SHANK2: variants seen among roughly 807,000 people sequenced by gnomAD.
SHANK2 encodes SH3 and multiple ankyrin repeat domains protein 2.
Under a neutral mutation model 133.7 loss-of-function variants are expected in SHANK2, and 43 were observed. The ratio of observed to expected loss-of-function variants is 0.32; its 90% CI spans 0.25 to 0.41. The LOEUF is 0.41. SHANK2 is among the 10% of genes least tolerant of loss of function. The probability of loss-of-function intolerance (pLI) is 1.00; values close to 1 mark genes in which losing one functional copy is unlikely to be tolerated. For missense variants in SHANK2, 1,994 were observed against 2,235.8 expected, an observed-to-expected ratio of 0.89 and a Z score of 2.18; for synonymous variants, 1,017 against 952.8, an observed-to-expected ratio of 1.07 and a Z score of -1.24.
chr11:70,664,929 G>C lies in SHANK2; in HGVS notation c.1854-3251C>G, dbSNP rs11828956. 6.9e-3 allele frequency among the ~76,000 whole-genome samples: 1,043 copies of C among 152,238 alleles called. 11 individuals carry two copies. The highest frequency in any genetic ancestry group is 0.024 in the African/African-American group (983 of 41,546). Reference sequence around the variant, plus strand: ...TGAGAACAACAAGATGCACCTGATGGGTCCTGAGCTGGAGGCCGTGGAGTC... The same window carrying C: ...TGAGAACAACAAGATGCACCTGATGCGTCCTGAGCTGGAGGCCGTGGAGTC... On this transcript the variant is annotated intron_variant, in intron 15 of 25. Coordinates refer to ENST00000601538, the MANE Select transcript of SHANK2 (RefSeq NM_012309.5).
chr11:71,192,915 A>G (rs1277675821), intron 2 of SHANK2, among the ~76,000 whole-genome samples: 1 of 152,212 alleles, frequency 6.6e-6, no homozygotes, highest in Non-Finnish European at 1.5e-5. Context: ...TGTATAAAAT[A>G]CTGCATCCTT....
intron 11 of SHANK2, among the ~76,000 whole-genome samples, chr11:70,851,171 C>T (rs1398349192): frequency 1.6e-5 from 2 of 121,344 alleles, no homozygotes; most frequent in African/African-American, 6.0e-5. Flanking sequence ...ATCCAAATAC[C>T]AGAGCCTTGC....
intron 2 of SHANK2, among the ~76,000 whole-genome samples, chr11:71,196,446 C>T (rs1423357482): frequency 6.6e-6 from 1 of 151,952 alleles, no homozygotes; most frequent in Non-Finnish European, 1.5e-5. Context: ...CCACCACGTC[C>T]AGCTAATTTC....
intron 17 of SHANK2, among the ~76,000 whole-genome samples, chr11:70,607,280 G>A (rs2060591361): frequency 6.6e-6 from 1 of 152,196 alleles, no homozygotes. Flanking sequence ...TGGTTTCCAG[G>A]CTGAACTCTG....
At chr11:70,558,506 C>T (rs1337173830) in intron 17 of SHANK2, among the ~76,000 whole-genome samples, 5 of 152,226 alleles carry the variant, frequency 3.3e-5, no homozygotes, top group African/African-American at 1.2e-4. Context: ...CCTGGATCTG[C>T]CAGCTCTCAC....
chr11:70,681,607 A>C (rs567574826), intron 15 of SHANK2, among the ~76,000 whole-genome samples: 20 of 152,152 alleles, frequency 1.3e-4, no homozygotes, highest in African/African-American at 4.8e-4. Context: ...CTGTACCTCC[A>C]CAGGGGAGAG....
rs1295977942 is a variant in SHANK2, at chr11:71,083,986, G to GC, written c.912+8435_912+8436insG. On this transcript the variant is annotated intron_variant, in intron 8 of 25. Transcript: ENST00000601538. ...TGAATAACAACTTTTTTTTGGGGGG[G>GC]GGAGACAGAGTCTTGCTCTGTCTCC... Among the ~76,000 whole-genome samples, 30 of 149,406 alleles carry GC rather than the reference G, an allele frequency of 2.0e-4. No homozygotes were observed. The South Asian group carries it at 3.0e-3, about 15-fold the overall frequency.
intron 17 of SHANK2, among the ~76,000 whole-genome samples, chr11:70,563,649 C>T (rs2059935392): frequency 6.6e-6 from 1 of 151,248 alleles, no homozygotes; most frequent in African/African-American, 2.4e-5. Context: ...AGTGATTCTC[C>T]TGCCTCAGCC....
intron 21 of SHANK2, among the ~76,000 whole-genome samples, chr11:70,494,930 A>G (rs1328583857): frequency 3.9e-5 from 6 of 152,122 alleles, no homozygotes; most frequent in African/African-American, 1.4e-4. Flanking sequence ...CTGGACCCAC[A>G]AGCCCTGCTG....
rs2059030704 is a variant in SHANK2 at position 70,500,285 on chromosome 11, A to G, written c.2308+285T>C. Among the ~76,000 whole-genome samples the G allele has an allele frequency of 6.6e-6, 1 of 152,148 alleles. No homozygotes were observed. Among genetic ancestry groups the G allele is most frequent in the African/African-American group, 2.4e-5 (1 of 41,438 alleles). On this transcript the variant is annotated intron_variant, in intron 21 of 25. Transcript: ENST00000601538. The surrounding 1 kb of genome is among the most constrained non-coding windows in gnomAD (Gnocchi z 4.5). Reference sequence around the variant, plus strand: ...TGCAACCCCCCATCCAGGCAGCCCCAGCTGAGACCAAACAGGGGTCCGGCC... The same window carrying G: ...TGCAACCCCCCATCCAGGCAGCCCCGGCTGAGACCAAACAGGGGTCCGGCC...
chr11:70,550,624 C>T (rs1281472054), intron 17 of SHANK2, among the ~76,000 whole-genome samples: 4 of 152,146 alleles, frequency 2.6e-5, no homozygotes, highest in Non-Finnish European at 4.4e-5. Flanking sequence ...CCCGGATTCG[C>T]GTGGGTTGGT....
chr11:70,610,894 T>C (rs2060649111), intron 17 of SHANK2, among the ~76,000 whole-genome samples: 1 of 152,164 alleles, frequency 6.6e-6, no homozygotes, highest in Admixed American at 6.5e-5. Flanking sequence ...CTCAAAACTC[T>C]CTGAATTTGA....
intron 10 of SHANK2, among the ~76,000 whole-genome samples, chr11:70,924,313 C>T (rs547586321): frequency 5.8e-4 from 84 of 145,576 alleles, no homozygotes; most frequent in Admixed American, 4.6e-3. Context: ...GGGTAAGATG[C>T]TGCATCCCAG....
At chr11:70,681,283 A>G (rs990426723) in intron 15 of SHANK2, among the ~76,000 whole-genome samples, 17 of 152,282 alleles carry the variant, frequency 1.1e-4, no homozygotes, top group Admixed American at 1.0e-3. Flanking sequence ...CAGCTCCTGC[A>G]CAGAGATGTT....
chr11:71,088,533 A>T (rs1024382112), intron 8 of SHANK2, among the ~76,000 whole-genome samples: 3 of 134,218 alleles, frequency 2.2e-5, no homozygotes, highest in East Asian at 4.5e-4. Context: ...CATGTCTCTT[A>T]GAGACTCACA....
chr11:71,216,089 C>T (rs1449114850), intron 2 of SHANK2, among the ~76,000 whole-genome samples: 2 of 152,122 alleles, frequency 1.3e-5, no homozygotes, highest in Admixed American at 6.5e-5. Flanking sequence ...GAGGGACACA[C>T]GACTCCACAC....
At chr11:70,848,824 G>A (rs566748454) in intron 11 of SHANK2, among the ~76,000 whole-genome samples, 1 of 152,292 alleles carries the variant, frequency 6.6e-6, no homozygotes, top group South Asian at 2.1e-4. Flanking sequence ...TACAGAATGG[G>A]AGAGCCAGTC....
At chr11:70,476,079 A>T (rs77995009) in intron 25 of SHANK2, among the ~76,000 whole-genome samples, 1 of 151,880 alleles carries the variant, frequency 6.6e-6, no homozygotes, top group Non-Finnish European at 1.5e-5. Flanking sequence ...AAAAAAAAAA[A>T]TTAGCTGAGT....
intron 14 of SHANK2, among the ~76,000 whole-genome samples, chr11:70,760,945 T>C (rs1472179286): frequency 6.6e-6 from 1 of 152,056 alleles, no homozygotes; most frequent in Non-Finnish European, 1.5e-5. Context: ...AGGGAGGTGA[T>C]GGTCCCCTGG....
Sources: allele counts gnomAD v4.1 joint callset (sites outside exome capture counted in the v4.1 genomes callset), GRCh38; gene constraint gnomAD v4.1.1; non-coding constraint Gnocchi (gnomAD v3.1); transcripts MANE v1.5; gene names NCBI Gene and HGNC (gene_info 2026-07-23, HGNC 2026-07-21).